CNKSR3: variants seen among roughly 807,000 people sequenced by gnomAD.
CNKSR3 encodes connector enhancer of kinase suppressor of ras 3.
CNKSR3 carries 36 observed loss-of-function variants against 67.7 expected under a neutral mutation model. That is an observed-to-expected ratio of 0.53 (90% CI 0.41 to 0.70). The LOEUF (loss-of-function observed/expected upper bound fraction) is 0.70. Among genes scored for constraint, CNKSR3 ranks in the 30% least tolerant of loss-of-function variants. The pLI is 0.00. For missense variants in CNKSR3, 630 were observed against 695.2 expected, an observed-to-expected ratio of 0.91 and a Z score of 1.05; for synonymous variants, 281 against 271.4, an observed-to-expected ratio of 1.04 and a Z score of -0.35.
intron 2 of CNKSR3, among the ~76,000 whole-genome samples, chr6:154,447,083 C>T (rs1357066844): frequency 1.3e-5 from 2 of 152,138 alleles, no homozygotes; most frequent in Non-Finnish European, 2.9e-5. Flanking sequence ...AGATTACAGG[C>T]GTGATGGGAT....
chr6:154,483,323 C>T (rs74514171), intron 1 of CNKSR3, among the ~76,000 whole-genome samples: 2,903 of 152,280 alleles, frequency 0.019, 39 homozygotes, highest in Non-Finnish European at 0.029. Flanking sequence ...GATGCACTCT[C>T]GGCAGCCTCT....
chr6:154,459,139 A>G (rs1786023966), intron 1 of CNKSR3, among the ~76,000 whole-genome samples: 1 of 151,900 alleles, frequency 6.6e-6, no homozygotes, highest in African/African-American at 2.4e-5. Flanking sequence ...AGAGAGAAAG[A>G]AAGAAAGAAA....
At chr6:154,506,475 G>A (rs1376804291) in intron 1 of CNKSR3, among the ~76,000 whole-genome samples, 1 of 152,192 alleles carries the variant, frequency 6.6e-6, no homozygotes, top group Admixed American at 6.5e-5. Flanking sequence ...GTTTTTCAAA[G>A]AACTCTTTAA....
intron 1 of CNKSR3, among the ~76,000 whole-genome samples, chr6:154,509,360 T>A (rs1787167032): frequency 7.8e-6 from 1 of 127,544 alleles, no homozygotes; most frequent in Non-Finnish European, 1.6e-5. Flanking sequence ...ATTGTATGAA[T>A]CAAGACAGTG....
At chr6:154,407,737 C>A (rs958018052) in intron 12 of CNKSR3, among the ~76,000 whole-genome samples, 1 of 151,972 alleles carries the variant, frequency 6.6e-6, no homozygotes, top group Non-Finnish European at 1.5e-5. Flanking sequence ...GAGGCATGAG[C>A]CACCACACCT....
intron 1 of CNKSR3, among the ~76,000 whole-genome samples, chr6:154,461,157 G>A (rs1257004127): frequency 6.6e-6 from 1 of 152,182 alleles, no homozygotes; most frequent in East Asian, 1.9e-4. Flanking sequence ...GGAGGGTGCT[G>A]GCCGGGTTAT....
intron 1 of CNKSR3, among the ~76,000 whole-genome samples, chr6:154,450,549 AATT>A (rs1246593723): frequency 6.6e-6 from 1 of 152,188 alleles, no homozygotes; most frequent in Non-Finnish European, 1.5e-5. Flanking sequence ...TTAAAATGCT[AATT>A]ATCTAGACCA....
At position 154,401,627 on chromosome 6, in the gene CNKSR3, C is replaced by T. The variant is rs899772776; in HGVS notation, c.*4727G>A. The stretch of plus-strand genomic sequence containing the variant: ...CAAAAGTAGTTTACTTTTAAGATGT[C>T]CATCTTCCACAGAATCTCCAAGGAA... On this transcript the variant is annotated 3_prime_UTR_variant, in exon 13 of 13. Transcript: ENST00000607772. 1 of 152,240 alleles carries T rather than the reference C, an allele frequency of 6.6e-6. No individual in the cohort carries two copies. The highest frequency in any genetic ancestry group is 2.4e-5 in the African/African-American group (1 of 41,454). The allele number at this position is 152,240 out of a possible 1,614,324, so 9.4% of individuals were successfully genotyped here.
intron 1 of CNKSR3, among the ~76,000 whole-genome samples, chr6:154,463,775 G>C (rs1428469804): frequency 6.6e-6 from 1 of 152,150 alleles, no homozygotes; most frequent in South Asian, 2.1e-4. Context: ...GCTCTCATGA[G>C]CTAAGTGACC....
At chr6:154,475,368 T>C (rs1225883063) in intron 1 of CNKSR3, among the ~76,000 whole-genome samples, 1 of 152,082 alleles carries the variant, frequency 6.6e-6, no homozygotes, top group Non-Finnish European at 1.5e-5. Context: ...TCCAGCACTG[T>C]GCTCATTAGG....
Position 154,463,554 on chromosome 6 carries a change from C to T in CNKSR3, c.53-13296G>A, listed in dbSNP as rs113495181. Among the ~76,000 whole-genome samples, 28 of 152,256 alleles carry T rather than the reference C, an allele frequency of 1.8e-4. No individual in the cohort carries two copies. In the East Asian group the frequency reaches 5.2e-3, roughly 28 times the overall value. On this transcript the variant is annotated intron_variant, in intron 1 of 12. Transcript: ENST00000607772. ...AATTCCCACAAGTTTGCTATGCTCGCGGCTTCACGGGATGCCAGCCCTGGT... is the reference window on the plus strand; with the variant it reads ...AATTCCCACAAGTTTGCTATGCTCGTGGCTTCACGGGATGCCAGCCCTGGT...
chr6:154,398,625 G>T lies in CNKSR3; in HGVS notation c.*7729C>A, dbSNP rs943276360. 3.9e-5 allele frequency: 6 copies of T among 152,150 alleles called. No individual in the cohort carries two copies. Among genetic ancestry groups the T allele is most frequent in the African/African-American group, 1.4e-4 (6 of 41,424 alleles). The allele number at this position is 152,150 out of a possible 1,614,324, so 9.4% of individuals were successfully genotyped here. A position where few individuals can be genotyped will look rare whatever the true frequency, so the allele number is the denominator to read the frequency against. On this transcript the variant is annotated 3_prime_UTR_variant, in exon 13 of 13. Coordinates refer to ENST00000607772, the MANE Select transcript of CNKSR3 (RefSeq NM_173515.4). ...ACAGGAAACATAGAAACGAGTTTGAGGAATACCACTTCAAGATGGGAATGG... is the reference window on the plus strand; with the variant it reads ...ACAGGAAACATAGAAACGAGTTTGATGAATACCACTTCAAGATGGGAATGG...
intron 1 of CNKSR3, among the ~76,000 whole-genome samples, chr6:154,464,067 T>C (rs1032153989): frequency 4.6e-5 from 7 of 152,226 alleles, no homozygotes; most frequent in South Asian, 2.1e-4. Context: ...GGTTAATACA[T>C]GATAAGATCA....
At chr6:154,496,742 A>G (rs1786886372) in intron 1 of CNKSR3, among the ~76,000 whole-genome samples, 1 of 152,232 alleles carries the variant, frequency 6.6e-6, no homozygotes, top group Non-Finnish European at 1.5e-5. Flanking sequence ...AGAGAAAAGA[A>G]GTAGATACAC....
intron 1 of CNKSR3, among the ~76,000 whole-genome samples, chr6:154,454,128 GAGAGAGAGAGAGAGAGAT>G (rs1443219288): frequency 1.4e-5 from 2 of 142,792 alleles, no homozygotes; most frequent in Admixed American, 1.4e-4. Context: ...GAGAGAGAGA[GAGAGAGAGAGAGAGAGAT>G]AAGAGCCCGC....
intron 1 of CNKSR3, among the ~76,000 whole-genome samples, chr6:154,456,201 A>G (rs1337838189): frequency 6.6e-6 from 1 of 152,162 alleles, no homozygotes; most frequent in Non-Finnish European, 1.5e-5. Flanking sequence ...AGAAGCTACA[A>G]TTCTTCAAAT....
intron 7 of CNKSR3, among the ~76,000 whole-genome samples, chr6:154,426,188 G>A (rs1310882966): frequency 6.6e-6 from 1 of 152,136 alleles, no homozygotes; most frequent in African/African-American, 2.4e-5. Flanking sequence ...CACTCCCTGA[G>A]ACGACTTCCA....
chr6:154,422,774 C>T (rs548684541), intron 8 of CNKSR3, 122 bp from the exon 9 acceptor site: 23 of 1,180,538 alleles, frequency 1.9e-5, no homozygotes, highest in Non-Finnish European at 2.4e-5. Context: ...AATAGGCAGG[C>T]GTAAGTATGC....
At chr6:154,491,940 T>C (rs372305733) in intron 1 of CNKSR3, among the ~76,000 whole-genome samples, 2 of 152,186 alleles carry the variant, frequency 1.3e-5, no homozygotes, top group Non-Finnish European at 2.9e-5. Flanking sequence ...GCTGTGTGCA[T>C]TGAGGGAGGT....
Sources: gnomAD v4.1 joint callset for allele counts (sites outside exome capture counted in the v4.1 genomes callset) on GRCh38, gnomAD v4.1.1 for gene constraint, MANE v1.5 for transcripts, NCBI Gene and HGNC (gene_info 2026-07-23, HGNC 2026-07-21) for gene names.